The following SNX10 variants were observed in gnomAD, a reference collection of about 807,000 sequenced individuals.
The protein encoded by SNX10 is sorting nexin 10.
A neutral mutation model predicts 28.5 loss-of-function variants in SNX10; 25 were observed. The ratio of observed to expected loss-of-function variants is 0.88; its 90% CI spans 0.64 to 1.22. SNX10 has a LOEUF of 1.22. Ranked by LOEUF, SNX10 falls within the 50% of genes most tolerant of loss-of-function variation. SNX10 has a pLI of 0.00. For missense variants in SNX10, 223 were observed against 242.6 expected (o/e 0.92, Z 0.54); for synonymous variants, 62 against 81.4 (o/e 0.76, Z 1.28).
intron 1 of SNX10, among the ~76,000 whole-genome samples, chr7:26,339,219 T>A (rs886909531): frequency 6.6e-6 from 1 of 151,938 alleles, no homozygotes; most frequent in Admixed American, 6.6e-5. Flanking sequence ...CAAGATGGAG[T>A]CGGTTAGGTC....
chr7:26,340,558 C>T (rs1237633078), intron 1 of SNX10, among the ~76,000 whole-genome samples: 3 of 152,078 alleles, frequency 2.0e-5, no homozygotes, highest in Non-Finnish European at 4.4e-5. Context: ...CTCGAGTTTT[C>T]GGTTTGGGCA....
chr7:26,350,350 C>T lies in SNX10; in HGVS notation c.24+3884C>T, dbSNP rs1534794. Among the ~76,000 whole-genome samples, 559 of 152,148 alleles carry T rather than the reference C, an allele frequency of 3.7e-3. 4 individuals are homozygous for T. The highest frequency in any genetic ancestry group is 0.013 in the African/African-American group (537 of 41,490). ...CCCACCACTGAGGGAGGAGATGGGG[C>T]ACTATGGGGAGAGCCGGCAGGGAGG... is the stretch of plus-strand genomic sequence containing the variant. On this transcript the variant is annotated intron_variant, in intron 2 of 6. Transcript: ENST00000338523.
intron 1 of SNX10, among the ~76,000 whole-genome samples, chr7:26,338,846 T>C (rs1027145974): frequency 6.6e-6 from 1 of 152,196 alleles, no homozygotes. Flanking sequence ...ATGGCAGAAC[T>C]GCTTGAGCCA....
chr7:26,318,679 C>T (rs750153780), intron 1 of SNX10, among the ~76,000 whole-genome samples: 7 of 152,222 alleles, frequency 4.6e-5, no homozygotes, highest in Middle Eastern at 3.4e-3. Context: ...GCCATGTTGC[C>T]CAGGCTGCTT....
At chr7:26,341,618 C>T (rs1055682781) in intron 1 of SNX10, among the ~76,000 whole-genome samples, 2 of 152,044 alleles carry the variant, frequency 1.3e-5, no homozygotes, top group Admixed American at 1.3e-4. Context: ...TCTCAGCCTC[C>T]CAAGTAGCTG....
At chr7:26,329,736 G>C (rs1344455992) in intron 1 of SNX10, among the ~76,000 whole-genome samples, 1 of 152,200 alleles carries the variant, frequency 6.6e-6, no homozygotes, top group Non-Finnish European at 1.5e-5. Flanking sequence ...AAAGGGAGGA[G>C]GATGCAAACT....
At chr7:26,303,308 C>A (rs964475343) in intron 1 of SNX10, among the ~76,000 whole-genome samples, 1 of 152,212 alleles carries the variant, frequency 6.6e-6, no homozygotes, top group Non-Finnish European at 1.5e-5. Flanking sequence ...CTGCTTGGAA[C>A]TGGAAAGTCA....
intron 2 of SNX10, among the ~76,000 whole-genome samples, chr7:26,348,795 T>C (rs1224472950): frequency 6.6e-6 from 1 of 152,196 alleles, no homozygotes; most frequent in East Asian, 1.9e-4. Flanking sequence ...TCAGAGCTTA[T>C]TTTAGAGCCT....
chr7:26,363,960 C>T (rs992402583), intron 3 of SNX10, among the ~76,000 whole-genome samples: 3 of 152,130 alleles, frequency 2.0e-5, no homozygotes, highest in Non-Finnish European at 4.4e-5. Context: ...GATGTTTATC[C>T]CCACGTACCA....
chr7:26,303,291 A>G (rs1017515094), intron 1 of SNX10, among the ~76,000 whole-genome samples: 2 of 152,356 alleles, frequency 1.3e-5, no homozygotes, highest in Admixed American at 1.3e-4. Flanking sequence ...AGACAACTCA[A>G]AGGCAACTGC....
At chr7:26,321,746 G>A (rs1221065174) in intron 1 of SNX10, among the ~76,000 whole-genome samples, 2 of 151,952 alleles carry the variant, frequency 1.3e-5, no homozygotes, top group African/African-American at 2.4e-5. Context: ...CAGGGGCTGA[G>A]CAAATCATTA....
chr7:26,304,780 A>T (rs1786518834), intron 1 of SNX10, among the ~76,000 whole-genome samples: 2 of 152,238 alleles, frequency 1.3e-5, no homozygotes, highest in Admixed American at 6.5e-5. Context: ...GATGCTAAAT[A>T]GTGCAATCAA....
chr7:26,346,469 A>G lies in SNX10; in HGVS notation c.24+3A>G. 2.5e-6 allele frequency: 4 copies of G among 1,601,848 alleles called. No homozygotes were observed. Among genetic ancestry groups the G allele is most frequent in the Non-Finnish European group, 3.4e-6 (4 of 1,168,846 alleles). On this transcript the variant is annotated splice_donor_region_variant and intron_variant, in intron 2 of 6. Coordinates refer to ENST00000338523, the MANE Select transcript of SNX10 (RefSeq NM_013322.3). The stretch of plus-strand genomic sequence containing the variant: ...TGTTTCCGGAACAACAGAAAGAGGT[A>G]TGTCATCACAAATCCAAAAATAAAT...
intron 2 of SNX10, among the ~76,000 whole-genome samples, chr7:26,356,505 A>G (rs1788824904): frequency 6.6e-6 from 1 of 152,164 alleles, no homozygotes; most frequent in South Asian, 2.1e-4. Flanking sequence ...TTAGAGGTGA[A>G]CCTTGGCTTC....
intron 1 of SNX10, among the ~76,000 whole-genome samples, chr7:26,301,522 G>A (rs1460187892): frequency 6.6e-6 from 1 of 152,154 alleles, no homozygotes; most frequent in Non-Finnish European, 1.5e-5. Context: ...GGGCACCAAA[G>A]GCCAAAGACA....
chr7:26,363,618 T>G (rs1479544696), intron 3 of SNX10, among the ~76,000 whole-genome samples: 1 of 152,182 alleles, frequency 6.6e-6, no homozygotes, highest in African/African-American at 2.4e-5. Context: ...GAATATTTAC[T>G]CTCGTCTTAT....
At chr7:26,326,244 T>TA (rs1327244363) in intron 1 of SNX10, among the ~76,000 whole-genome samples, 7 of 152,170 alleles carry the variant, frequency 4.6e-5, no homozygotes, top group African/African-American at 9.7e-5. Context: ...ATACCTTGGC[T>TA]AAGAAAACAG....
intron 1 of SNX10, among the ~76,000 whole-genome samples, chr7:26,341,767 G>A (rs1012061544): frequency 6.6e-6 from 1 of 152,078 alleles, no homozygotes; most frequent in African/African-American, 2.4e-5. Context: ...TTACAGGCAT[G>A]AGCCACCACA....
At chr7:26,324,944 C>G (rs986690860) in intron 1 of SNX10, among the ~76,000 whole-genome samples, 1 of 151,974 alleles carries the variant, frequency 6.6e-6, no homozygotes, top group Non-Finnish European at 1.5e-5. Context: ...GGCTCTTTCA[C>G]CAAGCACTTA....
Sources: allele counts gnomAD v4.1 joint callset (sites outside exome capture counted in the v4.1 genomes callset), GRCh38; gene constraint gnomAD v4.1.1; transcripts MANE v1.5; gene names NCBI Gene and HGNC (gene_info 2026-07-23, HGNC 2026-07-21).